Variants in WDR26 observed in about 807,000 individuals in gnomAD.
WDR26 encodes WD repeat-containing protein 26.
A neutral mutation model predicts 84.1 loss-of-function variants in WDR26; 5 were observed. The ratio of observed to expected loss-of-function variants is 0.06; its 90% confidence interval spans 0.03 to 0.13. The LOEUF (loss-of-function observed/expected upper bound fraction) is 0.13. WDR26 is among the 10% of genes least tolerant of loss of function. The pLI, the probability that WDR26 is intolerant of heterozygous loss-of-function variation, is 1.00. For synonymous variants in WDR26, 415 were observed against 389.6 expected (o/e 1.07, Z -0.77); for missense variants, 642 against 974.9 (o/e 0.66, Z 4.55).
intron 6 of WDR26, among the ~76,000 whole-genome samples, chr1:224,412,312 A>G (rs1558431090): frequency 6.6e-6 from 1 of 152,210 alleles, no homozygotes; most frequent in Non-Finnish European, 1.5e-5. Context: ...TAAGAATGGG[A>G]GCAGTAGTCT....
intron 1 of WDR26, 85 bp downstream of exon 1, chr1:224,433,599 C>CAA: frequency 2.7e-6 from 2 of 745,940 alleles, no homozygotes; most frequent in Non-Finnish European, 4.1e-6. Flanking sequence ...TCAAGCCCCC[C>CAA]TCCCCCCTCC....
intron 13 of WDR26, 22 bp from the exon 14 acceptor site, chr1:224,389,882 T>C: frequency 8.8e-7 from 1 of 1,135,836 alleles, no homozygotes; most frequent in Non-Finnish European, 1.1e-6. Flanking sequence ...CAAGATGAAA[T>C]GTATGGGGGG....
In WDR26 at chr1:224,434,568, C is replaced by T; in HGVS notation, c.-163G>A. Reference sequence around the variant, plus strand: ...GAGGGGGAGAAGGAGGATCCGGGCCCTTTCCCCCCCCCCTCCCGGAGGCAG... The same window carrying T: ...GAGGGGGAGAAGGAGGATCCGGGCCTTTTCCCCCCCCCCTCCCGGAGGCAG... On this transcript the variant is annotated 5_prime_UTR_variant, in exon 1 of 14. Coordinates refer to ENST00000414423, the MANE Select transcript of WDR26 (RefSeq NM_001379403.1). 1 of 460,938 alleles carries T rather than the reference C, an allele frequency of 2.2e-6. No homozygotes were observed. Among genetic ancestry groups the T allele is most frequent in the Non-Finnish European group, 2.8e-6 (1 of 356,482 alleles). 28.6% of individuals were successfully genotyped at this position (460,938 alleles called of 1,614,324 possible). A position where few individuals can be genotyped will look rare whatever the true frequency, so the allele number is the denominator to read the frequency against.
chr1:224,394,733 G>A (rs1673214963), intron 12 of WDR26, among the ~76,000 whole-genome samples: 1 of 152,066 alleles, frequency 6.6e-6, no homozygotes, highest in South Asian at 2.1e-4. Context: ...CTGACCTCGT[G>A]ATCCGCCCAT....
chr1:224,413,636 T>C (rs1572189763), intron 6 of WDR26, among the ~76,000 whole-genome samples: 1 of 152,190 alleles, frequency 6.6e-6, no homozygotes, highest in Non-Finnish European at 1.5e-5. Context: ...ATTTACCAGA[T>C]GTTATAAAAC....
rs772514138 is a variant in WDR26 at position 224,393,912 on chromosome 1, G to C, written c.2176C>G (p.Pro726Ala). The C allele has an allele frequency of 1.9e-6, 3 of 1,593,930 alleles. No individual in the cohort carries two copies. The highest frequency in any genetic ancestry group is 2.7e-5 in the African/African-American group (2 of 74,724). ...TCTGAGGCGCTGGCCATCATGGATG[G>C]AATCTGTGGGTTCCAGCTCACACAG... Residue 726 changes from proline to alanine, a missense_variant, in exon 13 of 14, where the codon CCA becomes GCA. Physicochemically the swap from Pro to Ala is conservative, Grantham distance 27 (BLOSUM62 -1). Coordinates refer to ENST00000414423, the MANE Select transcript of WDR26 (RefSeq NM_001379403.1).
chr1:224,419,652 C>T (rs781349272), intron 4 of WDR26, 37 bp from the exon 5 acceptor site: 2 of 1,495,252 alleles, frequency 1.3e-6, no homozygotes, highest in Admixed American at 3.3e-5. Flanking sequence ...AATATTAAAC[C>T]CATTTCTTTG....
In WDR26 at chr1:224,433,888, C is replaced by T. The variant is rs1269360296; in HGVS notation, c.518G>A (p.Ser173Asn). 9.8e-6 allele frequency: 15 copies of T among 1,536,836 alleles called. No homozygotes were observed. Among genetic ancestry groups the T allele is most frequent in the Non-Finnish European group, 1.3e-5 (15 of 1,146,786 alleles). Reference sequence around the variant, plus strand: ...GGGAACCCCGTTATTGACATTCAGGCTGTTGCTATTGTTGCTGGCGGCGGA... The same window carrying T: ...GGGAACCCCGTTATTGACATTCAGGTTGTTGCTATTGTTGCTGGCGGCGGA... Residue 173 changes from serine to asparagine, a missense_variant, in exon 1 of 14, where the codon AGC (serine) becomes AAC (asparagine). This residue lies in a region of WDR26 where 291 missense variants were observed against 302.1 expected (regional missense o/e 0.96). Transcript: ENST00000414423.
chr1:224,419,247 A>C (rs1319142817), intron 5 of WDR26, among the ~76,000 whole-genome samples: 3 of 152,144 alleles, frequency 2.0e-5, no homozygotes, highest in African/African-American at 7.2e-5. Context: ...TTCTCTTAAC[A>C]CAGTACTTTT....
chr1:224,401,150 A>AAACC, intron 8 of WDR26, 81 bp from the exon 9 acceptor site: 1 of 1,400,708 alleles, frequency 7.1e-7, no homozygotes, highest in Non-Finnish European at 9.7e-7. Context: ...AATAACTGGG[A>AAACC]TGTCTGGCTG....
At chr1:224,394,627 C>A (rs1314127581) in intron 12 of WDR26, among the ~76,000 whole-genome samples, 1 of 152,026 alleles carries the variant, frequency 6.6e-6, no homozygotes, top group African/African-American at 2.4e-5. Flanking sequence ...GCCTCAGCCT[C>A]CCGAGTAGCT....
At position 224,385,195 on chromosome 1, in the gene WDR26, A is replaced by C. The variant is rs1421442396; in HGVS notation, c.*4640T>G. 1.3e-5 allele frequency: 2 copies of C among 152,240 alleles called. No homozygotes were observed. The highest frequency in any genetic ancestry group is 2.9e-5 in the Non-Finnish European group (2 of 68,026). 9.4% of individuals were successfully genotyped at this position (152,240 alleles called of 1,614,324 possible). On this transcript the variant is annotated 3_prime_UTR_variant, in exon 14 of 14. Transcript: ENST00000414423. ...GATTGAAAGAAAGGGAATACAAACG[A>C]CTGGTTAAGTGCTGCGCACTGACAT...
intron 7 of WDR26, among the ~76,000 whole-genome samples, chr1:224,408,768 C>T (rs1431807049): frequency 6.6e-6 from 1 of 151,704 alleles, no homozygotes; most frequent in East Asian, 1.9e-4. Context: ...TGTAAAGCTT[C>T]CCTGCGCTTT....
At chr1:224,433,594 C>T (rs1572224897) in intron 1 of WDR26, 90 bp downstream of exon 1, 3 of 708,316 alleles carry the variant, frequency 4.2e-6, no homozygotes, top group East Asian at 3.2e-5. Context: ...CTCTTTCAAG[C>T]CCCCCTCCCC....
intron 13 of WDR26, among the ~76,000 whole-genome samples, chr1:224,391,130 C>G (rs1673112648): frequency 6.6e-6 from 1 of 150,582 alleles, no homozygotes; most frequent in African/African-American, 2.4e-5. Flanking sequence ...TTTGGGAGGC[C>G]AAGACAGGCC....
Position 224,416,223 on chromosome 1 carries a change from T to A in WDR26, c.1319+2037A>T, listed in dbSNP as rs375517644. Among the ~76,000 whole-genome samples the A allele has an allele frequency of 2.1e-3, 313 of 152,122 alleles. 2 individuals carry two copies. The highest frequency in any genetic ancestry group is 0.016 in the South Asian group (79 of 4,820). On this transcript the variant is annotated intron_variant, in intron 6 of 13. Transcript: ENST00000414423. Reference sequence around the variant, plus strand: ...TCCTCTGTAAAACTCTGAACTGCTTTTTTCTTTCTTTTTTTTTTTTCTGAG... The same window carrying A: ...TCCTCTGTAAAACTCTGAACTGCTTATTTCTTTCTTTTTTTTTTTTCTGAG...
At chr1:224,425,737 C>CAG (rs1674190687) in intron 3 of WDR26, among the ~76,000 whole-genome samples, 1 of 152,156 alleles carries the variant, frequency 6.6e-6, no homozygotes. Context: ...TTAATGTAAA[C>CAG]AGAGACATCA....
intron 7 of WDR26, among the ~76,000 whole-genome samples, chr1:224,409,882 A>G (rs1430089473): frequency 1.3e-5 from 2 of 151,372 alleles, no homozygotes; most frequent in African/African-American, 4.9e-5. Flanking sequence ...AAAAGAAAAG[A>G]AAAAAAAATT....
At chr1:224,419,467 C>T in intron 5 of WDR26, 51 bp downstream of exon 5, 2 of 1,321,564 alleles carry the variant, frequency 1.5e-6, no homozygotes, top group Non-Finnish European at 2.2e-6. Context: ...TCACTGTATC[C>T]ATTTGTAATC....
Sources: allele counts gnomAD v4.1 joint callset (sites outside exome capture counted in the v4.1 genomes callset), GRCh38; gene constraint gnomAD v4.1.1; regional missense constraint gnomAD v4.1.1; transcripts MANE v1.5; gene names NCBI Gene and HGNC (gene_info 2026-07-23, HGNC 2026-07-21).